PDE4D: variants seen among roughly 807,000 people sequenced by gnomAD.
The protein encoded by PDE4D is phosphodiesterase 4D.
In PDE4D, 24 loss-of-function variants were observed where a neutral mutation model predicts 87.4. The observed-to-expected ratio is 0.27, with a 90% CI of 0.20 to 0.39. PDE4D has a LOEUF of 0.39. Ranked by LOEUF, PDE4D falls within the 10% of genes least tolerant of loss-of-function variation. The pLI is 1.00. For synonymous variants in PDE4D, 384 were observed against 383.2 expected (o/e 1.00, Z -0.02); for missense variants, 714 against 1,041.0 (o/e 0.69, Z 4.32).
intron 3 of PDE4D, among the ~76,000 whole-genome samples, chr5:59,919,396 T>A (rs1216563527): frequency 6.6e-6 from 1 of 152,182 alleles, no homozygotes; most frequent in African/African-American, 2.4e-5. Context: ...CCATACAATC[T>A]GCATGGACTT....
chr5:59,576,487 C>T (rs1205360438), intron 1 of PDE4D, among the ~76,000 whole-genome samples: 3 of 151,920 alleles, frequency 2.0e-5, no homozygotes, highest in Non-Finnish European at 4.4e-5. Flanking sequence ...AAAATTTCCC[C>T]TGACAATATA....
chr5:60,122,092 G>A (rs2149380544), intron 2 of PDE4D, among the ~76,000 whole-genome samples: 1 of 152,288 alleles, frequency 6.6e-6, no homozygotes, highest in South Asian at 2.1e-4. Flanking sequence ...GATGCAAGAG[G>A]TGGGTTCCCA....
At chr5:59,379,482 T>G (rs1011663493) in intron 1 of PDE4D, among the ~76,000 whole-genome samples, 2 of 152,174 alleles carry the variant, frequency 1.3e-5, no homozygotes, top group African/African-American at 4.8e-5. Context: ...TATTTTTATA[T>G]GTATATACAT....
chr5:59,670,682 A>G (rs775736088), intron 1 of PDE4D, among the ~76,000 whole-genome samples: 17 of 152,230 alleles, frequency 1.1e-4, no homozygotes, highest in Non-Finnish European at 2.4e-4. Flanking sequence ...TTCAACCTGT[A>G]TATGTTAAAC....
At chr5:59,669,764 C>A (rs73758842) in intron 1 of PDE4D, among the ~76,000 whole-genome samples, 1,635 of 152,104 alleles carry the variant, frequency 0.011, 24 homozygotes, top group African/African-American at 0.038. Context: ...TTACTTTTTG[C>A]AAGACTAAAG....
At chr5:59,276,075 G>A in intron 1 of PDE4D, 1 of 969,794 alleles carries the variant, frequency 1.0e-6, no homozygotes, top group African/African-American at 1.8e-5. Context: ...AGGGCTGTAT[G>A]ACGTCTGTAA....
intron 1 of PDE4D, among the ~76,000 whole-genome samples, chr5:60,513,837 G>A (rs979490432): frequency 1.3e-5 from 2 of 151,768 alleles, no homozygotes; most frequent in African/African-American, 4.8e-5. Flanking sequence ...GCCTTTGAGG[G>A]AGATGTATAG....
At chr5:59,313,179 T>C (rs1441627013) in intron 1 of PDE4D, among the ~76,000 whole-genome samples, 2 of 152,132 alleles carry the variant, frequency 1.3e-5, no homozygotes, top group African/African-American at 4.8e-5. Context: ...TCCTTTTAAA[T>C]ACAAGAACTG....
chr5:59,965,429 C>A (rs1381677780), intron 3 of PDE4D, among the ~76,000 whole-genome samples: 1 of 152,152 alleles, frequency 6.6e-6, no homozygotes, highest in Non-Finnish European at 1.5e-5. Context: ...AAAACTCTAA[C>A]CTCTTGATCC....
intron 5 of PDE4D, among the ~76,000 whole-genome samples, chr5:59,167,747 A>T (rs1385674676): frequency 2.0e-5 from 3 of 151,982 alleles, no homozygotes; most frequent in Non-Finnish European, 4.4e-5. Context: ...GCTTTTTGTC[A>T]TTCAACAGAA....
chr5:60,248,216 G>A (rs574398597), intron 1 of PDE4D, among the ~76,000 whole-genome samples: 3 of 152,088 alleles, frequency 2.0e-5, no homozygotes, highest in African/African-American at 4.8e-5. Flanking sequence ...GTGAGAAAGT[G>A]TGTAATACGG....
At chr5:59,275,608 C>T (rs1764651130) in intron 1 of PDE4D, 1 of 1,354,414 alleles carries the variant, frequency 7.4e-7, no homozygotes, top group East Asian at 2.8e-5. Context: ...TTCCTTCATA[C>T]TGAATTTACT....
intron 5 of PDE4D, among the ~76,000 whole-genome samples, chr5:59,147,262 T>G (rs1778806757): frequency 6.6e-6 from 1 of 152,230 alleles, no homozygotes; most frequent in Admixed American, 6.5e-5. Context: ...GTCTTTGGTT[T>G]AAAATATTGA....
chr5:59,923,759 G>A (rs1754946983), intron 3 of PDE4D, among the ~76,000 whole-genome samples: 1 of 152,162 alleles, frequency 6.6e-6, no homozygotes, highest in African/African-American at 2.4e-5. Flanking sequence ...TCCCAAGAAA[G>A]GCAGGTACAA....
chr5:59,518,012 T>C (rs1053194895), intron 1 of PDE4D, among the ~76,000 whole-genome samples: 1 of 152,214 alleles, frequency 6.6e-6, no homozygotes, highest in African/African-American at 2.4e-5. Flanking sequence ...TGACTTCCAC[T>C]AAAATGTGCC....
intron 1 of PDE4D, among the ~76,000 whole-genome samples, chr5:59,762,893 A>G (rs1412185523): frequency 1.1e-4 from 12 of 105,904 alleles, no homozygotes; most frequent in South Asian, 6.2e-4. Flanking sequence ...ATATATATAT[A>G]GCTTGCTCTT....
chr5:59,511,704 G>T (rs567961419), intron 1 of PDE4D, among the ~76,000 whole-genome samples: 258 of 152,046 alleles, frequency 1.7e-3, no homozygotes, highest in African/African-American at 5.6e-3. Context: ...ATATGAAAAT[G>T]AATAATAATT....
chr5:59,184,059 T>C (rs1379308677), intron 4 of PDE4D, among the ~76,000 whole-genome samples: 1 of 152,124 alleles, frequency 6.6e-6, no homozygotes, highest in Non-Finnish European at 1.5e-5. Context: ...ATGTTGGGTA[T>C]CATCAGGGAC....
chr5:59,274,539 G>A (rs1212946913), intron 1 of PDE4D, among the ~76,000 whole-genome samples: 2 of 151,912 alleles, frequency 1.3e-5, no homozygotes, highest in African/African-American at 4.8e-5. Flanking sequence ...ATTTCAAAGA[G>A]GTGAGCTTAG....
Sources: allele counts gnomAD v4.1 joint callset (sites outside exome capture counted in the v4.1 genomes callset), GRCh38; gene constraint gnomAD v4.1.1; transcripts MANE v1.5; gene names NCBI Gene and HGNC (gene_info 2026-07-23, HGNC 2026-07-21).